FNBP1: variants seen among roughly 807,000 people sequenced by gnomAD.
FNBP1 encodes the protein formin-binding protein 1.
FNBP1 carries 26 observed loss-of-function variants against 90.6 expected under a neutral mutation model. The observed-to-expected ratio is 0.29, with a 90% CI of 0.21 to 0.40. The LOEUF (loss-of-function observed/expected upper bound fraction) is 0.40, where lower values mean the gene tolerates loss of function less well. FNBP1 is among the 10% of genes least tolerant of loss of function. The pLI is 1.00. For missense variants in FNBP1, 635 were observed against 768.0 expected (o/e 0.83, Z 2.05); for synonymous variants, 260 against 265.2 (o/e 0.98, Z 0.19).
chr9:129,891,408 C>T (rs7853331), intron 16 of FNBP1, among the ~76,000 whole-genome samples: 52,006 of 151,912 alleles, frequency 0.34, 10,189 homozygotes, highest in Non-Finnish European at 0.45. Flanking sequence ...GAGGCTGCAG[C>T]GAGCCAGGAT....
At chr9:129,936,444 A>G (rs2043474025) in intron 6 of FNBP1, 2 of 152,278 alleles carry the variant, frequency 1.3e-5, no homozygotes, top group African/African-American at 4.8e-5. Flanking sequence ...GGACACAGCA[A>G]GAATCCAGCA....
At chr9:129,988,863 A>T (rs1208077707) in intron 2 of FNBP1, among the ~76,000 whole-genome samples, 4 of 152,326 alleles carry the variant, frequency 2.6e-5, no homozygotes. Flanking sequence ...TACAGGAATC[A>T]AAGTCTCACG....
intron 12 of FNBP1, among the ~76,000 whole-genome samples, chr9:129,904,593 A>T (rs1234513216): frequency 6.6e-6 from 1 of 152,210 alleles, no homozygotes; most frequent in East Asian, 1.9e-4. Flanking sequence ...ATATAGAAAT[A>T]ACAGGAAGAG....
chr9:129,988,591 C>T (rs574493418), intron 2 of FNBP1, among the ~76,000 whole-genome samples: 1 of 151,842 alleles, frequency 6.6e-6, no homozygotes, highest in African/African-American at 2.4e-5. Flanking sequence ...GCAGGAGAAT[C>T]GCTTGAACCC....
At chr9:130,020,814 C>A (rs1345673222) in intron 1 of FNBP1, among the ~76,000 whole-genome samples, 1 of 152,124 alleles carries the variant, frequency 6.6e-6, no homozygotes, top group Non-Finnish European at 1.5e-5. Flanking sequence ...CCATTTTTCT[C>A]ATGTGGCAGG....
upstream of FNBP1, chr9:130,044,574 A>C (rs1393337064): frequency 6.6e-6 from 1 of 152,170 alleles, no homozygotes; most frequent in African/African-American, 2.4e-5. Context: ...AGTTGCAGTG[A>C]GCCATGATGG....
chr9:130,010,366 T>A (rs546283893), intron 1 of FNBP1, among the ~76,000 whole-genome samples: 19 of 152,282 alleles, frequency 1.2e-4, no homozygotes, highest in Non-Finnish European at 2.4e-4. Flanking sequence ...TAACCAGATG[T>A]AGCAGATATC....
intron 16 of FNBP1, among the ~76,000 whole-genome samples, chr9:129,893,637 A>AAAAAAAAAAAAAAAAAAAACAAG (rs56397008): frequency 1.6e-5 from 1 of 62,224 alleles, no homozygotes. Flanking sequence ...AAAAAAAAAA[A>AAAAAAAAAAAAAAAAAAAACAAG]GCCAGGCACG....
chr9:129,939,643 G>A (rs2132292379), intron 6 of FNBP1, among the ~76,000 whole-genome samples: 1 of 152,108 alleles, frequency 6.6e-6, no homozygotes, highest in South Asian at 2.1e-4. Flanking sequence ...AGTACAGATG[G>A]TGCAAGATTC....
Position 129,978,515 on chromosome 9 carries a change from T to C in FNBP1, c.295A>G (p.Ile99Val), listed in dbSNP as rs766794593. ...VISENMASQIIVDLARYVQEL... is the reference protein window; with the variant it reads ...VISENMASQIVVDLARYVQEL... ...TGAACATAGCGTGCCAAGTCCACAA[T>C]GATCTGTGATGCCATGTTCTCGGAG... Residue 99 changes from isoleucine to valine, a missense_variant, in exon 4 of 17, where the codon ATT becomes GTT. Ile to Val is a conservative substitution (Grantham distance 29). Coordinates refer to ENST00000446176, the MANE Select transcript of FNBP1 (RefSeq NM_015033.3). The C allele has an allele frequency of 6.2e-7, 1 of 1,613,456 alleles. No individual in the cohort carries two copies. Among genetic ancestry groups the C allele is most frequent in the South Asian group, 1.1e-5 (1 of 91,070 alleles).
intron 1 of FNBP1, among the ~76,000 whole-genome samples, chr9:130,034,343 C>A (rs190662458): frequency 6.8e-6 from 1 of 147,828 alleles, no homozygotes; most frequent in Non-Finnish European, 1.5e-5. Context: ...GTTGGTCAGG[C>A]GTGGTAGTGT....
chr9:129,995,535 G>A (rs2053859771), intron 1 of FNBP1, among the ~76,000 whole-genome samples: 1 of 152,106 alleles, frequency 6.6e-6, no homozygotes, highest in Non-Finnish European at 1.5e-5. Context: ...TGTGCCTTGG[G>A]GTTTCTGGTC....
At chr9:129,910,650 C>T (rs553826697) in intron 11 of FNBP1, among the ~76,000 whole-genome samples, 1 of 152,098 alleles carries the variant, frequency 6.6e-6, no homozygotes, top group African/African-American at 2.4e-5. Flanking sequence ...AATGTAATTC[C>T]AGAAGCAAGT....
chr9:129,994,973 C>G lies in FNBP1; in HGVS notation c.25-15G>C, dbSNP rs1421734341. Reference sequence around the variant, plus strand: ...TCAAACTGATCCTGTTGAAACAAACCAAGAGAGAAGTTATGGTCTTTCCCT... The same window carrying G: ...TCAAACTGATCCTGTTGAAACAAACGAAGAGAGAAGTTATGGTCTTTCCCT... On this transcript the variant is annotated splice_polypyrimidine_tract_variant and intron_variant, in intron 1 of 16. Transcript: ENST00000446176. 3.3e-6 allele frequency: 4 copies of G among 1,216,332 alleles called. No homozygotes were observed. In the African/African-American group the frequency reaches 4.5e-5, roughly 14 times the overall value. 75.3% of individuals were successfully genotyped at this position (1,216,332 alleles called of 1,614,324 possible).
chr9:129,960,433 T>C (rs2047639963), intron 4 of FNBP1, among the ~76,000 whole-genome samples: 1 of 145,434 alleles, frequency 6.9e-6, no homozygotes, highest in Non-Finnish European at 1.5e-5. Context: ...AAAAAGAAAA[T>C]TGCTGCTATA....
intron 1 of FNBP1, among the ~76,000 whole-genome samples, chr9:130,004,262 C>T (rs1178799766): frequency 2.1e-5 from 3 of 145,736 alleles, no homozygotes; most frequent in Admixed American, 6.9e-5. Flanking sequence ...GACTCCATCT[C>T]GAAAAAAAAA....
rs953244280 is a variant in FNBP1 at position 129,889,285 on chromosome 9, C to T, written c.*1254G>A. ...GGTCTTTGGTGATGAAAGTGCTAAC[C>T]TCGGCGGGGTGCGGTAGCTCACACC... On this transcript the variant is annotated 3_prime_UTR_variant, in exon 17 of 17. Transcript: ENST00000446176. 2 of 188,392 alleles carry T rather than the reference C, an allele frequency of 1.1e-5. No individual in the cohort carries two copies. The highest frequency in any genetic ancestry group is 4.7e-5 in the African/African-American group (2 of 42,722). 11.7% of individuals were successfully genotyped at this position (188,392 alleles called of 1,614,324 possible).
At chr9:129,950,729 G>A (rs1003505699) in intron 6 of FNBP1, among the ~76,000 whole-genome samples, 4 of 152,092 alleles carry the variant, frequency 2.6e-5, no homozygotes, top group African/African-American at 7.2e-5. Context: ...AAAGATCCAC[G>A]AAACACACAT....
At chr9:129,973,589 C>T (rs2049828190) in intron 4 of FNBP1, among the ~76,000 whole-genome samples, 1 of 151,972 alleles carries the variant, frequency 6.6e-6, no homozygotes. Context: ...CAAGCTCCGC[C>T]TCCTGGGTTC....
Sources: allele counts gnomAD v4.1 joint callset (sites outside exome capture counted in the v4.1 genomes callset), GRCh38; gene constraint gnomAD v4.1.1; transcripts MANE v1.5; gene names NCBI Gene and HGNC (gene_info 2026-07-23, HGNC 2026-07-21).